Variants in PLEKHH2 observed in about 807,000 individuals in gnomAD.
PLEKHH2 encodes the protein pleckstrin homology domain-containing family H member 2.
Under a neutral mutation model 187.9 loss-of-function variants are expected in PLEKHH2, and 129 were observed. The observed-to-expected ratio is 0.69, with a 90% CI of 0.59 to 0.79. The LOEUF is 0.79. Ranked by LOEUF, PLEKHH2 falls within the 30% of genes least tolerant of loss-of-function variation. The probability of loss-of-function intolerance (pLI) is 0.00; values close to 1 mark genes in which losing one functional copy is unlikely to be tolerated. For missense variants in PLEKHH2, 2,076 were observed against 1,751.2 expected (o/e 1.19, Z -3.31); for synonymous variants, 686 against 605.6 (o/e 1.13, Z -1.95).
In PLEKHH2 at chr2:43,644,813, A is replaced by C; in HGVS notation, c.123+17A>C. The stretch of plus-strand genomic sequence containing the variant: ...GCAGAGAAGGTAAGCTTTCTCCCTA[A>C]GCTTTGTTATTAAATGTCAGCTATT... On this transcript the variant is annotated intron_variant, in intron 2 of 29. Coordinates refer to ENST00000282406, the MANE Select transcript of PLEKHH2 (RefSeq NM_172069.4). The C allele has an allele frequency of 6.3e-7, 1 of 1,589,754 alleles. No individual in the cohort carries two copies. Among genetic ancestry groups the C allele is most frequent in the Non-Finnish European group, 8.6e-7 (1 of 1,168,800 alleles).
rs2104485285 is a variant in PLEKHH2, at chr2:43,700,165, G to T, written c.1207G>T (p.Glu403Ter). The T allele has an allele frequency of 6.2e-7, 1 of 1,614,096 alleles. No individual in the cohort carries two copies. Among genetic ancestry groups the T allele is most frequent in the Non-Finnish European group, 8.5e-7 (1 of 1,180,022 alleles). Reference sequence around the variant, plus strand: ...ACTCGATTATTCATCTTCATCGAGTGAAGCCAACACCCCAAGCCCTATTTT... The same window carrying T: ...ACTCGATTATTCATCTTCATCGAGTTAAGCCAACACCCCAAGCCCTATTTT... ...QRLDYSSSSS[E>*]ANTPSPILTP... The change falls in exon 8 of 30, where the codon GAA (glutamate) becomes TAA (stop). Residue 403 changes from glutamate to a stop codon, truncating the protein, a stop_gained. Transcript: ENST00000282406. LOFTEE classifies it high-confidence loss of function.
In PLEKHH2 at chr2:43,685,422, C is replaced by T. The variant is rs1432280; in HGVS notation, c.186+6497C>T. Among the ~76,000 whole-genome samples, 5 of 151,850 alleles carry T rather than the reference C, an allele frequency of 3.3e-5. No individual in the cohort carries two copies. The South Asian group carries it at 8.3e-4, about 25-fold the overall frequency. ...CTTTATACTTAATGTTCTAGTACAT[C>T]TTTTTTTTGTTTGTTTGTCTTTTGA... On this transcript the variant is annotated intron_variant, in intron 3 of 29. Coordinates refer to ENST00000282406, the MANE Select transcript of PLEKHH2 (RefSeq NM_172069.4).
intron 20 of PLEKHH2, 78 bp downstream of exon 20, chr2:43,738,598 C>T: frequency 7.5e-7 from 1 of 1,336,368 alleles, no homozygotes; most frequent in Middle Eastern, 2.0e-4. Context: ...ACACATTCAG[C>T]ATAGACATTT....
intron 23 of PLEKHH2, among the ~76,000 whole-genome samples, chr2:43,745,176 C>A (rs1360274061): frequency 1.3e-5 from 2 of 152,052 alleles, no homozygotes; most frequent in African/African-American, 4.8e-5. Context: ...ATTAGCCAGG[C>A]ATGGCGGCGG....
intron 20 of PLEKHH2, among the ~76,000 whole-genome samples, chr2:43,740,518 T>C (rs1671514386): frequency 6.6e-6 from 1 of 152,242 alleles, no homozygotes; most frequent in Admixed American, 6.5e-5. Context: ...TATTTAGGTA[T>C]GTAGATACAT....
At position 43,725,930 on chromosome 2, in the gene PLEKHH2, G is replaced by A. The variant is rs1416269822; in HGVS notation, c.2542-342G>A. 2.6e-5 allele frequency among the ~76,000 whole-genome samples: 4 copies of A among 151,498 alleles called. No homozygotes were observed. In the East Asian group the frequency reaches 5.8e-4, roughly 22 times the overall value. On this transcript the variant is annotated intron_variant, in intron 16 of 29. Coordinates refer to ENST00000282406, the MANE Select transcript of PLEKHH2 (RefSeq NM_172069.4). ...GTCTGAGACTGGCCTGGGCAATGTAGCAAGACCCTATCTCCAAAAAAAAAT... is the reference window on the plus strand; with the variant it reads ...GTCTGAGACTGGCCTGGGCAATGTAACAAGACCCTATCTCCAAAAAAAAAT...
chr2:43,698,064 G>A (rs1669175333), intron 7 of PLEKHH2, among the ~76,000 whole-genome samples: 1 of 152,110 alleles, frequency 6.6e-6, no homozygotes, highest in South Asian at 2.1e-4. Context: ...ATTTTAGAGA[G>A]GCCTGAGTTT....
intron 17 of PLEKHH2, among the ~76,000 whole-genome samples, chr2:43,726,930 G>A (rs752361158): frequency 6.7e-6 from 1 of 150,170 alleles, no homozygotes; most frequent in East Asian, 1.9e-4. Flanking sequence ...TATATATTGA[G>A]GAAATTGGCT....
intron 24 of PLEKHH2, 103 bp from the exon 25 acceptor site, chr2:43,753,516 G>C: frequency 1.2e-6 from 1 of 850,274 alleles, no homozygotes; most frequent in Middle Eastern, 3.9e-4. Context: ...ACCACTTAGA[G>C]TACTGTGTTA....
At chr2:43,695,579 C>A (rs1669047348) in intron 6 of PLEKHH2, among the ~76,000 whole-genome samples, 1 of 152,172 alleles carries the variant, frequency 6.6e-6, no homozygotes, top group Non-Finnish European at 1.5e-5. Flanking sequence ...AAGTACTGTA[C>A]AGAGACATTA....
intron 28 of PLEKHH2, 40 bp downstream of exon 28, chr2:43,762,430 T>A: frequency 7.0e-7 from 1 of 1,432,192 alleles, no homozygotes; most frequent in Non-Finnish European, 9.9e-7. Flanking sequence ...AGTCAACTGT[T>A]TCCATTGCTC....
intron 4 of PLEKHH2, among the ~76,000 whole-genome samples, 164 bp from the exon 5 acceptor site, chr2:43,694,267 C>G (rs896539079): frequency 1.4e-4 from 22 of 152,134 alleles, no homozygotes; most frequent in Non-Finnish European, 2.4e-4. Flanking sequence ...CTTATTGTAT[C>G]TACCGAATAA....
At chr2:43,717,624 A>C (rs148598096) in intron 15 of PLEKHH2, among the ~76,000 whole-genome samples, 1 of 152,288 alleles carries the variant, frequency 6.6e-6, no homozygotes, top group African/African-American at 2.4e-5. Context: ...AGCAAAGGTT[A>C]CTGGAAGTGA....
chr2:43,688,251 C>A (rs978315166), intron 3 of PLEKHH2, among the ~76,000 whole-genome samples: 1 of 152,172 alleles, frequency 6.6e-6, no homozygotes, highest in African/African-American at 2.4e-5. Flanking sequence ...TATCCAGAAT[C>A]TATAAGGAAG....
At chr2:43,680,860 G>C (rs1668139688) in intron 3 of PLEKHH2, 1 of 530,204 alleles carries the variant, frequency 1.9e-6, no homozygotes, top group South Asian at 2.1e-5. Context: ...TTGTTCCATA[G>C]CATAGTCACA....
intron 7 of PLEKHH2, among the ~76,000 whole-genome samples, chr2:43,698,238 C>G (rs1306532738): frequency 6.9e-6 from 1 of 145,106 alleles, no homozygotes; most frequent in African/African-American, 2.7e-5. Flanking sequence ...CTTTGCTCTT[C>G]TCTTCTCTCT....
At chr2:43,756,534 C>G (rs1043705983) in intron 25 of PLEKHH2, among the ~76,000 whole-genome samples, 4 of 152,048 alleles carry the variant, frequency 2.6e-5, no homozygotes, top group African/African-American at 4.8e-5. Flanking sequence ...AAAAATTGTC[C>G]TTGCAGACAA....
intron 25 of PLEKHH2, among the ~76,000 whole-genome samples, chr2:43,754,660 T>C (rs1196346499): frequency 6.6e-6 from 1 of 152,080 alleles, no homozygotes; most frequent in Non-Finnish European, 1.5e-5. Context: ...TTTGCCTAGG[T>C]TAATTAAGGA....
intron 27 of PLEKHH2, among the ~76,000 whole-genome samples, chr2:43,761,241 A>C (rs534479986): frequency 1.2e-3 from 180 of 152,174 alleles, no homozygotes; most frequent in Non-Finnish European, 2.3e-3. Flanking sequence ...ATTTAAGGGA[A>C]ATAGTTAAGA....
Sources: allele counts gnomAD v4.1 joint callset (sites outside exome capture counted in the v4.1 genomes callset), GRCh38; gene constraint gnomAD v4.1.1; transcripts MANE v1.5; gene names NCBI Gene and HGNC (gene_info 2026-07-23, HGNC 2026-07-21).